MEPE: variants seen among roughly 807,000 people sequenced by gnomAD.
MEPE encodes the protein matrix, extracellular phosphoglycoprotein with ASARM motif (bone).
Under a neutral mutation model 7.3 loss-of-function variants are expected in MEPE, and 7 were observed. The observed-to-expected ratio is 0.95, with a 90% CI of 0.54 to 1.79. The LOEUF (loss-of-function observed/expected upper bound fraction) is 1.79, where lower values mean the gene tolerates loss of function less well. Ranked by LOEUF, MEPE falls within the 40% of genes most tolerant of loss-of-function variation. The pLI is 0.00. For synonymous variants in MEPE, 214 were observed against 213.1 expected (o/e 1.00, Z -0.04); for missense variants, 623 against 628.2 (o/e 0.99, Z 0.09).
At chr4:87,831,204 G>T (rs1251988561), upstream of MEPE, among the ~76,000 whole-genome samples, 3 of 152,246 alleles carry the variant, frequency 2.0e-5, no homozygotes, top group African/African-American at 7.2e-5. Context: ...AAACAAGAGA[G>T]CAGGCAATCG....
At position 87,845,503 on chromosome 4, in the gene MEPE, G is replaced by A. The variant is rs1723192819; in HGVS notation, c.635G>A (p.Ser212Asn). 6.2e-7 allele frequency: 1 copy of A among 1,613,210 alleles called. No individual in the cohort carries two copies. The highest frequency in any genetic ancestry group is 8.5e-7 in the Non-Finnish European group (1 of 1,179,834). ...CAGAAAAGTCCAGTAAAAAGCAAAA[G>A]CACCCATCGTATTCAACACAACATT... ...QAQKSPVKSK[S>N]THRIQHNIDY... The change falls in exon 4 of 4, where the codon AGC (serine) becomes AAC (asparagine). Residue 212 changes from serine (S) to asparagine (N), a missense_variant. Transcript: ENST00000361056.
At chr4:87,832,068 C>T (rs1578053939), upstream of MEPE, among the ~76,000 whole-genome samples, 2 of 151,956 alleles carry the variant, frequency 1.3e-5, no homozygotes, top group African/African-American at 4.8e-5. Context: ...CACCTTGCTA[C>T]TGCATCTCCA....
rs146276681 is a variant in MEPE, at chr4:87,845,757, G to C, written c.889G>C (p.Asp297His). The change falls in exon 4 of 4, where the codon GAC (aspartate) becomes CAC (histidine). Residue 297 changes from aspartate (D) to histidine (H), a missense_variant. Transcript: ENST00000361056. ...AAGTGAAGCTGAGAGTACTCATCTT[G>C]ACACAAAAAAGCCAGGTTATAATGA... Reference protein sequence around the residue: ...GPSEAESTHLDTKKPGYNEIP... With the variant: ...GPSEAESTHLHTKKPGYNEIP... 242 of 1,613,838 alleles carry C rather than the reference G, an allele frequency of 1.5e-4. 1 individual carries two copies. The African/African-American group carries it at 2.6e-3, about 17-fold the overall frequency.
intron 1 of MEPE, among the ~76,000 whole-genome samples, chr4:87,827,497 C>T (rs1474427168): frequency 6.6e-6 from 1 of 152,072 alleles, no homozygotes; most frequent in East Asian, 1.9e-4. Flanking sequence ...GGTAAAAGTC[C>T]TCAAGTTCTG....
intron 3 of MEPE, among the ~76,000 whole-genome samples, chr4:87,844,062 C>A (rs969895254): frequency 3.3e-5 from 5 of 152,192 alleles, no homozygotes; most frequent in Middle Eastern, 3.2e-3. Context: ...AGACTTCTCC[C>A]TGTTTGAGTA....
chr4:87,824,562 T>A (rs913359308), intron 1 of MEPE, among the ~76,000 whole-genome samples: 1 of 152,228 alleles, frequency 6.6e-6, no homozygotes, highest in African/African-American at 2.4e-5. Context: ...AATAAAACTT[T>A]ATCTGCCAAA....
chr4:87,839,768 T>G, intron 3 of MEPE: 1 of 1,549,554 alleles, frequency 6.5e-7, no homozygotes, highest in Non-Finnish European at 8.7e-7. Flanking sequence ...AAAATCAAAC[T>G]GATGTAAAGG....
intron 3 of MEPE, among the ~76,000 whole-genome samples, chr4:87,843,893 T>C (rs1326434450): frequency 6.6e-6 from 1 of 152,198 alleles, no homozygotes; most frequent in African/African-American, 2.4e-5. Context: ...CTTGGAATCT[T>C]CAGACATGCA....
upstream of MEPE, among the ~76,000 whole-genome samples, chr4:87,832,262 A>G (rs1490157993): frequency 6.6e-6 from 1 of 152,146 alleles, no homozygotes; most frequent in African/African-American, 2.4e-5. Flanking sequence ...AAGTTCTAAC[A>G]TGGGAATTTT....
At chr4:87,830,178 C>T (rs1321242292), upstream of MEPE, among the ~76,000 whole-genome samples, 2 of 152,124 alleles carry the variant, frequency 1.3e-5, no homozygotes, top group Non-Finnish European at 2.9e-5. Context: ...TTCTTAAAAG[C>T]AGTTCTGTAA....
intron 3 of MEPE, chr4:87,839,837 G>A (rs1722945401): frequency 7.1e-6 from 11 of 1,543,286 alleles, no homozygotes; most frequent in Middle Eastern, 1.7e-4. Context: ...TAGCCCTAGA[G>A]GAAAATGTAG....
chr4:87,825,557 C>A (rs1026417515), intron 1 of MEPE, among the ~76,000 whole-genome samples: 3 of 152,188 alleles, frequency 2.0e-5, no homozygotes, highest in African/African-American at 7.2e-5. Context: ...ACAGTTTTGA[C>A]GAACAAGTGG....
In MEPE at chr4:87,838,613, G is replaced by C; in HGVS notation, c.55-19G>C. ...AGAATGTTCTAGTGGGTGAAGTTTT[G>C]TTTCTTGTTTCCTTTCAGACATTTC... On this transcript the variant is annotated intron_variant, in intron 2 of 3. Coordinates refer to ENST00000361056, the MANE Select transcript of MEPE (RefSeq NM_020203.6). The C allele has an allele frequency of 6.2e-7, 1 of 1,611,168 alleles. No homozygotes were observed.
chr4:87,828,848 G>C (rs376892846), upstream of MEPE, among the ~76,000 whole-genome samples: 315 of 152,248 alleles, frequency 2.1e-3, 2 homozygotes, highest in South Asian at 0.015. Flanking sequence ...AACCAGGAAC[G>C]AGGAACCAGA....
chr4:87,844,190 T>C (rs557562376), intron 3 of MEPE, among the ~76,000 whole-genome samples: 5 of 152,302 alleles, frequency 3.3e-5, no homozygotes, highest in South Asian at 2.1e-4. Context: ...GACACTTCTA[T>C]ATTTAGTCTA....
chr4:87,835,856 A>G (rs2045838), intron 2 of MEPE, among the ~76,000 whole-genome samples: 106,932 of 152,050 alleles, frequency 0.7, 38,260 homozygotes, highest in African/African-American at 0.8. Flanking sequence ...TTTGAGCAAC[A>G]TGTTCCAAGA....
chr4:87,821,529 C>T (rs950555876), intron 1 of MEPE: 3 of 152,128 alleles, frequency 2.0e-5, no homozygotes, highest in Admixed American at 6.5e-5. Flanking sequence ...ACCTGAGGTA[C>T]ATATAGTTTG....
chr4:87,835,714 C>T (rs1722761162), intron 2 of MEPE, among the ~76,000 whole-genome samples: 1 of 152,084 alleles, frequency 6.6e-6, no homozygotes, highest in Non-Finnish European at 1.5e-5. Context: ...CTGCTCACAA[C>T]ACACATTTGC....
rs1723222364 is a variant in MEPE at position 87,845,881 on chromosome 4, G to A, written c.1013G>A (p.Ser338Asn). ...DAVDVSLVEG[S>N]NDIMGSTNFK... ...GTTGATGTCAGCCTTGTAGAGGGCA[G>A]CAACGATATCATGGGTAGTACCAAT... Residue 338 changes from serine (S) to asparagine (N), a missense_variant, in exon 4 of 4, where the codon AGC (serine) becomes AAC (asparagine). Transcript: ENST00000361056. The A allele has an allele frequency of 6.2e-7, 1 of 1,614,018 alleles. No homozygotes were observed. Among genetic ancestry groups the A allele is most frequent in the Non-Finnish European group, 8.5e-7 (1 of 1,179,954 alleles).
Sources: allele counts gnomAD v4.1 joint callset (sites outside exome capture counted in the v4.1 genomes callset), GRCh38; gene constraint gnomAD v4.1.1; transcripts MANE v1.5; gene names NCBI Gene and HGNC (gene_info 2026-07-23, HGNC 2026-07-21).